MAGI3: variants seen among roughly 807,000 people sequenced by gnomAD.
The protein encoded by MAGI3 is membrane-associated guanylate kinase, WW and PDZ domain-containing protein 3.
A neutral mutation model predicts 121.8 loss-of-function variants in MAGI3; 43 were observed. That is an observed-to-expected ratio of 0.35 (90% CI 0.28 to 0.46). MAGI3 has a LOEUF of 0.46. MAGI3 is among the 20% of genes least tolerant of loss of function. The pLI, the probability that MAGI3 is intolerant of heterozygous loss-of-function variation, is 1.00. For missense variants in MAGI3, 1,547 were observed against 1,797.3 expected (o/e 0.86, Z 2.52); for synonymous variants, 553 against 639.3 (o/e 0.86, Z 2.04).
chr1:113,646,547 C>A lies in MAGI3; in HGVS notation c.2060C>A (p.Pro687His), dbSNP rs757318619. Residue 687 changes from proline (P) to histidine (H), a missense_variant, in exon 12 of 21, where the codon CCT becomes CAT. Physicochemically the swap from Pro to His is moderately conservative, Grantham distance 77. Coordinates refer to ENST00000307546, the MANE Select transcript of MAGI3 (RefSeq NM_001142782.2). ...LEAINEPIPQPMPFPPSIIRS... is the reference protein window; with the variant it reads ...LEAINEPIPQHMPFPPSIIRS... ...GCCATAAATGAGCCTATTCCTCAGC[C>A]TATGCCTTTTCCACCGAGCATTATC... 6.2e-7 allele frequency: 1 copy of A among 1,613,408 alleles called. No homozygotes were observed. The highest frequency in any genetic ancestry group is 1.3e-5 in the African/African-American group (1 of 74,892).
At chr1:113,539,216 A>G (rs1659153905) in intron 1 of MAGI3, among the ~76,000 whole-genome samples, 1 of 152,056 alleles carries the variant, frequency 6.6e-6, no homozygotes, top group African/African-American at 2.4e-5. Flanking sequence ...AACATGGTGA[A>G]ACCCCATCTC....
chr1:113,654,273 C>T (rs971768105), intron 15 of MAGI3, among the ~76,000 whole-genome samples: 3 of 152,134 alleles, frequency 2.0e-5, no homozygotes, highest in African/African-American at 7.2e-5. Flanking sequence ...CAAGGTTATA[C>T]TGAAGACAGT....
At chr1:113,680,796 A>G (rs943341158) in intron 19 of MAGI3, among the ~76,000 whole-genome samples, 3 of 152,104 alleles carry the variant, frequency 2.0e-5, no homozygotes, top group African/African-American at 4.8e-5. Flanking sequence ...AATCCTACAC[A>G]GGAAAGTTTT....
rs750068867 is a variant in MAGI3, at chr1:113,683,254, G to A, written c.3686G>A (p.Ser1229Asn). ...GRSVSPKKPA[S>N]QHSEEHLDKI... ...TCGGTTAGTCCCAAAAAGCCAGCCAGTCAACATTCAGAGGAACATTTGGAT... is the reference window on the plus strand; with the variant it reads ...TCGGTTAGTCCCAAAAAGCCAGCCAATCAACATTCAGAGGAACATTTGGAT... Residue 1229 changes from serine (S) to asparagine (N), a missense_variant, in exon 21 of 21, where the codon AGT becomes AAT. Ser to Asn is a conservative substitution (Grantham distance 46, BLOSUM62 1). Coordinates refer to ENST00000307546, the MANE Select transcript of MAGI3 (RefSeq NM_001142782.2). 18 of 1,613,228 alleles carry A rather than the reference G, an allele frequency of 1.1e-5. No individual in the cohort carries two copies. In the South Asian group the frequency reaches 2.0e-4, roughly 18 times the overall value.
intron 6 of MAGI3, among the ~76,000 whole-genome samples, chr1:113,613,731 GA>G (rs1477732428): frequency 1.3e-5 from 2 of 152,132 alleles, no homozygotes; most frequent in Non-Finnish European, 2.9e-5. Context: ...ATATAAAATG[GA>G]TAGGACTAGA....
intron 6 of MAGI3, among the ~76,000 whole-genome samples, chr1:113,599,915 A>G (rs1225051127): frequency 1.3e-5 from 2 of 152,190 alleles, no homozygotes; most frequent in East Asian, 3.8e-4. Flanking sequence ...GGCTGGTTCA[A>G]TATACGCAAA....
chr1:113,577,887 T>C (rs1647753433), intron 2 of MAGI3, among the ~76,000 whole-genome samples: 2 of 152,234 alleles, frequency 1.3e-5, no homozygotes, highest in South Asian at 4.1e-4. Context: ...ATCTATAATA[T>C]GGCTTGCTTT....
At chr1:113,593,952 T>A (rs567841215) in intron 5 of MAGI3, among the ~76,000 whole-genome samples, 295 of 152,334 alleles carry the variant, frequency 1.9e-3, no homozygotes, top group African/African-American at 6.9e-3. Context: ...TAAAACTCTT[T>A]GTTTTATTTT....
At chr1:113,559,140 A>G (rs1022896217) in intron 2 of MAGI3, among the ~76,000 whole-genome samples, 3 of 152,258 alleles carry the variant, frequency 2.0e-5, no homozygotes, top group Non-Finnish European at 4.4e-5. Context: ...AGCAGCCACC[A>G]TAAACAAGTC....
rs1334449045 is a variant in MAGI3 at position 113,590,632 on chromosome 1, T to C, written c.912T>C (p.Thr304=). The C allele has an allele frequency of 6.2e-7, 1 of 1,613,664 alleles. No homozygotes were observed. The highest frequency in any genetic ancestry group is 8.5e-7 in the Non-Finnish European group (1 of 1,179,668). Residue 304 remains threonine, a synonymous_variant, in exon 5 of 21, where the codon ACT becomes ACC. Coordinates refer to ENST00000307546, the MANE Select transcript of MAGI3 (RefSeq NM_001142782.2). ...CCAAAAACTGGGAAATGGCCTACAC[T>C]GACACAGGGATGATCTACTTCATTG... The part of the protein sequence containing the change: ...PLPKNWEMAY[T]DTGMIYFIDH...
chr1:113,407,932 C>T (rs1482178098), intron 1 of MAGI3, among the ~76,000 whole-genome samples: 1 of 152,126 alleles, frequency 6.6e-6, no homozygotes, highest in Non-Finnish European at 1.5e-5. Context: ...TAGCACGGCA[C>T]TTAGGACTTG....
chr1:113,549,429 G>C (rs933099393), intron 1 of MAGI3, 86 bp from the exon 2 acceptor site: 5 of 672,356 alleles, frequency 7.4e-6, no homozygotes, highest in Non-Finnish European at 1.3e-5. Flanking sequence ...TGGTTTAAGA[G>C]TATTCAGTTA....
chr1:113,523,125 T>G (rs1383672315), intron 1 of MAGI3, among the ~76,000 whole-genome samples: 2 of 152,230 alleles, frequency 1.3e-5, no homozygotes, highest in Non-Finnish European at 2.9e-5. Flanking sequence ...TTTTCTTTTC[T>G]GCCACCATGT....
At position 113,390,767 on chromosome 1, in the gene MAGI3, T is replaced by C; in HGVS notation, c.-267T>C. On this transcript the variant is annotated 5_prime_UTR_variant, in exon 1 of 21. Transcript: ENST00000307546. ...CTGGAACCTCCTGGGGACAATTCCC[T>C]TTTCCTTTCTTCAGCCTAACCCGCG... is the stretch of plus-strand genomic sequence containing the variant. 5.1e-6 allele frequency: 1 copy of C among 196,688 alleles called. No homozygotes were observed. Among genetic ancestry groups the C allele is most frequent in the Admixed American group, 6.0e-5 (1 of 16,750 alleles). The allele number at this position is 196,688 out of a possible 1,614,324, so 12.2% of individuals were successfully genotyped here. A position where few individuals can be genotyped will look rare whatever the true frequency, so the allele number is the denominator to read the frequency against.
At chr1:113,663,013 G>A (rs1404959350) in intron 16 of MAGI3, among the ~76,000 whole-genome samples, 1 of 152,070 alleles carries the variant, frequency 6.6e-6, no homozygotes, top group Non-Finnish European at 1.5e-5. Flanking sequence ...ATCAACTGAG[G>A]TCGGGAGTTC....
At chr1:113,394,864 G>A (rs146772236) in intron 1 of MAGI3, among the ~76,000 whole-genome samples, 147 of 152,182 alleles carry the variant, frequency 9.7e-4, no homozygotes, top group African/African-American at 3.5e-3. Context: ...TAAAAACCAA[G>A]TTGAAACAGT....
intron 2 of MAGI3, among the ~76,000 whole-genome samples, chr1:113,558,907 T>C (rs1660104375): frequency 6.6e-6 from 1 of 151,678 alleles, no homozygotes; most frequent in Non-Finnish European, 1.5e-5. Context: ...TTGGGGCCAG[T>C]AGTCAACATT....
chr1:113,580,833 G>A, intron 3 of MAGI3, 172 bp downstream of exon 3: 1 of 464,194 alleles, frequency 2.2e-6, no homozygotes, highest in Non-Finnish European at 3.6e-6. Context: ...ATTAAAATGG[G>A]ATTAAATAAT....
intron 2 of MAGI3, among the ~76,000 whole-genome samples, chr1:113,576,390 G>T (rs1014397627): frequency 6.6e-6 from 1 of 152,180 alleles, no homozygotes; most frequent in African/African-American, 2.4e-5. Context: ...AGTCCCTCAT[G>T]GCTTCCCTTG....
Sources: gnomAD v4.1 joint callset for allele counts (sites outside exome capture counted in the v4.1 genomes callset) on GRCh38, gnomAD v4.1.1 for gene constraint, MANE v1.5 for transcripts, NCBI Gene and HGNC (gene_info 2026-07-23, HGNC 2026-07-21) for gene names.